The following TMEM178B variants were observed in gnomAD, a reference collection of about 807,000 sequenced individuals.
The protein encoded by TMEM178B is transmembrane protein 178B.
In TMEM178B, 5 loss-of-function variants were observed where a neutral mutation model predicts 31.0. The observed-to-expected ratio is 0.16, with a 90% CI of 0.08 to 0.34. The LOEUF (loss-of-function observed/expected upper bound fraction) is 0.34. Ranked by LOEUF, TMEM178B falls within the 10% of genes least tolerant of loss-of-function variation. The pLI is 1.00. For synonymous variants in TMEM178B, 164 were observed against 164.0 expected (o/e 1.00, Z 0.00); for missense variants, 275 against 400.3 (o/e 0.69, Z 2.67).
intron 2 of TMEM178B, among the ~76,000 whole-genome samples, chr7:141,331,480 GA>G (rs1799299655): frequency 1.3e-5 from 2 of 152,188 alleles, no homozygotes; most frequent in Non-Finnish European, 2.9e-5. Context: ...TAAGAAAAAA[GA>G]GGACCGATGA....
intron 1 of TMEM178B, among the ~76,000 whole-genome samples, chr7:141,192,944 C>G (rs780017557): frequency 2.6e-4 from 40 of 152,164 alleles, no homozygotes; most frequent in Admixed American, 3.3e-4. Flanking sequence ...TTTTAAAAAT[C>G]TTAATGTATT....
At chr7:141,455,677 C>T (rs942718439) in intron 3 of TMEM178B, among the ~76,000 whole-genome samples, 1 of 152,218 alleles carries the variant, frequency 6.6e-6, no homozygotes, top group African/African-American at 2.4e-5. Flanking sequence ...TTGTAAAGCT[C>T]TTGGAACAAT....
At chr7:141,191,688 T>C (rs975251759) in intron 1 of TMEM178B, among the ~76,000 whole-genome samples, 13 of 152,234 alleles carry the variant, frequency 8.5e-5, no homozygotes, top group African/African-American at 2.9e-4. Context: ...TTAAATTGTA[T>C]TGGTTGATCT....
At chr7:141,269,096 CTT>C (rs34014878) in intron 2 of TMEM178B, among the ~76,000 whole-genome samples, 16 of 140,372 alleles carry the variant, frequency 1.1e-4, no homozygotes, top group African/African-American at 3.4e-4. Flanking sequence ...AATTTTTTTT[CTT>C]TTTTTTTTTT....
intron 2 of TMEM178B, among the ~76,000 whole-genome samples, chr7:141,224,034 C>G (rs10233636): frequency 0.019 from 2,830 of 152,152 alleles, 84 homozygotes; most frequent in African/African-American, 0.064. Context: ...GGGCGGTTTC[C>G]CCCATAATGT....
At chr7:141,332,016 T>TA (rs1799308128) in intron 2 of TMEM178B, among the ~76,000 whole-genome samples, 1 of 152,220 alleles carries the variant, frequency 6.6e-6, no homozygotes, top group Non-Finnish European at 1.5e-5. Context: ...TCAGGACACT[T>TA]ACCTGTACCC....
chr7:141,430,789 G>A (rs569211479), intron 2 of TMEM178B, among the ~76,000 whole-genome samples: 3 of 152,174 alleles, frequency 2.0e-5, no homozygotes, highest in South Asian at 2.1e-4. Flanking sequence ...TTCCCAGACC[G>A]ACTGATCCTT....
At chr7:141,490,292 C>G in the TMEM178B span, among the ~76,000 whole-genome samples, 1 of 152,214 alleles carries the variant, frequency 6.6e-6, no homozygotes. Context: ...GAAATACGGT[C>G]TTTGCAGATG....
At position 141,470,092 on chromosome 7, in the gene TMEM178B, G is replaced by C. The variant is rs147424485; in HGVS notation, c.635-444G>C. Among the ~76,000 whole-genome samples the C allele has an allele frequency of 5.4e-4, 83 of 152,340 alleles. No homozygotes were observed. In the South Asian group the frequency reaches 0.012, roughly 22 times the overall value. On this transcript the variant is annotated intron_variant, in intron 3 of 3. Transcript: ENST00000565468. The stretch of plus-strand genomic sequence containing the variant: ...AAACCTAATACTGTATGAGTAAGTT[G>C]TTATGTATAAGAAAGAGAAAAGATT...
intron 1 of TMEM178B, among the ~76,000 whole-genome samples, chr7:141,098,552 A>G (rs954118823): frequency 4.6e-5 from 7 of 152,206 alleles, no homozygotes; most frequent in African/African-American, 9.7e-5. Flanking sequence ...ACAGTTTACT[A>G]TCTGTGTGAC....
intron 2 of TMEM178B, among the ~76,000 whole-genome samples, chr7:141,337,116 C>G (rs200215750): frequency 6.9e-5 from 4 of 58,200 alleles, no homozygotes; most frequent in Non-Finnish European, 1.2e-4. Context: ...ACCACCACCA[C>G]CATCACCACC....
intron 2 of TMEM178B, among the ~76,000 whole-genome samples, chr7:141,306,512 C>T (rs924956328): frequency 6.6e-6 from 1 of 152,024 alleles, no homozygotes; most frequent in Non-Finnish European, 1.5e-5. Context: ...TTTGAAAAAT[C>T]AAGCATTATT....
At position 141,285,407 on chromosome 7, in the gene TMEM178B, C is replaced by A. The variant is rs113838509; in HGVS notation, c.496+72703C>A. Among the ~76,000 whole-genome samples the A allele has an allele frequency of 1.6e-3, 248 of 151,910 alleles. 2 individuals are homozygous for A. The highest frequency in any genetic ancestry group is 5.8e-3 in the African/African-American group (240 of 41,434). ...TCTCCTGACCTCATGATCCACCTGC[C>A]TCGGCCTCCCAAAGTGCTGGGATTA... On this transcript the variant is annotated intron_variant, in intron 2 of 3. Coordinates refer to ENST00000565468, the MANE Select transcript of TMEM178B (RefSeq NM_001195278.2).
At chr7:141,199,054 CA>C (rs1796832881) in intron 1 of TMEM178B, among the ~76,000 whole-genome samples, 1 of 152,054 alleles carries the variant, frequency 6.6e-6, no homozygotes, top group South Asian at 2.1e-4. Context: ...AAAAAGCAGC[CA>C]AAAACACGCA....
At chr7:141,498,805 C>G in the TMEM178B span, among the ~76,000 whole-genome samples, 1 of 152,092 alleles carries the variant, frequency 6.6e-6, no homozygotes, top group South Asian at 2.1e-4. Flanking sequence ...ATTTTCAAGT[C>G]TAAATAACTT....
At chr7:141,168,770 C>CA (rs1179977022) in intron 1 of TMEM178B, among the ~76,000 whole-genome samples, 175 of 151,154 alleles carry the variant, frequency 1.2e-3, no homozygotes, top group East Asian at 6.4e-3. Context: ...ACTCTGTCCC[C>CA]CAAAAAAAAA....
intron 2 of TMEM178B, among the ~76,000 whole-genome samples, chr7:141,276,808 C>T (rs1798273918): frequency 6.6e-6 from 1 of 152,210 alleles, no homozygotes; most frequent in Non-Finnish European, 1.5e-5. Flanking sequence ...GGCTATACAG[C>T]ATAGCCTGTT....
chr7:141,440,221 C>G (rs1246441283), intron 3 of TMEM178B, among the ~76,000 whole-genome samples: 1 of 152,240 alleles, frequency 6.6e-6, no homozygotes, highest in African/African-American at 2.4e-5. Flanking sequence ...CCTCTGAATG[C>G]CCCTGGGCTC....
intron 2 of TMEM178B, among the ~76,000 whole-genome samples, chr7:141,428,180 A>G (rs1563179931): frequency 6.6e-6 from 1 of 152,016 alleles, no homozygotes; most frequent in Non-Finnish European, 1.5e-5. Flanking sequence ...CCTGACCAAC[A>G]TGGAGAAACC....
Sources: gnomAD v4.1 joint callset for allele counts (sites outside exome capture counted in the v4.1 genomes callset) on GRCh38, gnomAD v4.1.1 for gene constraint, MANE v1.5 for transcripts, NCBI Gene and HGNC (gene_info 2026-07-23, HGNC 2026-07-21) for gene names.